PPARGC1A: variants seen among roughly 807,000 people sequenced by gnomAD.
The protein encoded by PPARGC1A is PPARG coactivator 1 alpha.
A neutral mutation model predicts 88.7 loss-of-function variants in PPARGC1A; 25 were observed. That is an observed-to-expected ratio of 0.28 (90% CI 0.21 to 0.39). The LOEUF (loss-of-function observed/expected upper bound fraction) is 0.39. Among genes scored for constraint, PPARGC1A ranks in the 10% least tolerant of loss-of-function variants. PPARGC1A has a pLI of 1.00. For missense variants in PPARGC1A, 880 were observed against 968.7 expected (o/e 0.91, Z 1.22); for synonymous variants, 363 against 355.6 (o/e 1.02, Z -0.24).
the PPARGC1A span, among the ~76,000 whole-genome samples, chr4:23,962,238 TC>T: frequency 1.3e-5 from 2 of 152,052 alleles, no homozygotes; most frequent in Non-Finnish European, 2.9e-5. Context: ...ATTGTCAAAT[TC>T]TGTTGTATAT....
the PPARGC1A span, among the ~76,000 whole-genome samples, chr4:24,026,113 A>T: frequency 1.3e-5 from 2 of 152,190 alleles, no homozygotes; most frequent in Non-Finnish European, 2.9e-5. Context: ...TCTTTAGAAA[A>T]TTTCAAAGAT....
At chr4:23,912,084 T>C in the PPARGC1A span, among the ~76,000 whole-genome samples, 8 of 152,150 alleles carry the variant, frequency 5.3e-5, no homozygotes, top group Admixed American at 5.2e-4. Context: ...ATTTTTTAAG[T>C]GGGGAAATTT....
chr4:24,242,026 A>T, the PPARGC1A span, among the ~76,000 whole-genome samples: 1 of 152,114 alleles, frequency 6.6e-6, no homozygotes. Flanking sequence ...CCCTGCTAGA[A>T]CCCAACACTA....
In PPARGC1A at chr4:23,814,209, G is replaced by C; in HGVS notation, c.1274C>G (p.Ser425Cys). ...GTAGCACTGGTCTGAATCTGTGGAAGAACAAATCTGCCCCTGCCAATCAGA... is the reference window on the plus strand; with the variant it reads ...GTAGCACTGGTCTGAATCTGTGGAACAACAAATCTGCCCCTGCCAATCAGA... ...VSSDWQGQICSSTDSDQCYLR... is the reference protein window; with the variant it reads ...VSSDWQGQICCSTDSDQCYLR... The change falls in exon 8 of 13, where the codon TCT (serine) becomes TGT (cysteine). Residue 425 changes from serine to cysteine, a missense_variant. Coordinates refer to ENST00000264867, the MANE Select transcript of PPARGC1A (RefSeq NM_013261.5). 6.2e-7 allele frequency: 1 copy of C among 1,614,088 alleles called. No individual in the cohort carries two copies. Among genetic ancestry groups the C allele is most frequent in the South Asian group, 1.1e-5 (1 of 91,074 alleles).
At chr4:24,396,865 C>G in the PPARGC1A span, among the ~76,000 whole-genome samples, 1 of 152,154 alleles carries the variant, frequency 6.6e-6, no homozygotes, top group East Asian at 1.9e-4. Context: ...AGAACTTGCA[C>G]AAATCCTGGT....
At chr4:23,812,279 G>T (rs941119188) in intron 10 of PPARGC1A, among the ~76,000 whole-genome samples, 2 of 151,888 alleles carry the variant, frequency 1.3e-5, no homozygotes, top group South Asian at 2.1e-4. Context: ...TTCCTCCACT[G>T]CTCCTTTAAA....
the PPARGC1A span, among the ~76,000 whole-genome samples, chr4:24,043,057 T>G: frequency 1.3e-5 from 2 of 152,156 alleles, no homozygotes; most frequent in African/African-American, 4.8e-5. Context: ...AGCTACCAAT[T>G]TTGTAGGCAG....
chr4:24,292,169 A>G, the PPARGC1A span, among the ~76,000 whole-genome samples: 1 of 151,876 alleles, frequency 6.6e-6, no homozygotes, highest in Non-Finnish European at 1.5e-5. Flanking sequence ...TCACCCCTGC[A>G]TGTGGATGAA....
the PPARGC1A span, among the ~76,000 whole-genome samples, chr4:24,315,350 T>C: frequency 6.6e-6 from 1 of 152,182 alleles, no homozygotes; most frequent in Non-Finnish European, 1.5e-5. Flanking sequence ...GTATCTGCTA[T>C]CTAAGAAGTA....
the PPARGC1A span, among the ~76,000 whole-genome samples, chr4:24,176,711 GAAT>G: frequency 2.6e-5 from 4 of 152,010 alleles, no homozygotes; most frequent in East Asian, 5.8e-4. Flanking sequence ...CATAACCCCA[GAAT>G]AATAATAATA....
chr4:24,410,814 A>G, the PPARGC1A span, among the ~76,000 whole-genome samples: 2 of 152,214 alleles, frequency 1.3e-5, no homozygotes, highest in African/African-American at 4.8e-5. Flanking sequence ...TTTTGGACTT[A>G]CACCAGTGGT....
chr4:24,061,570 C>A, the PPARGC1A span, among the ~76,000 whole-genome samples: 1 of 152,140 alleles, frequency 6.6e-6, no homozygotes, highest in African/African-American at 2.4e-5. Context: ...AAAGAGGAGT[C>A]AGGATTAGGA....
the PPARGC1A span, among the ~76,000 whole-genome samples, chr4:23,933,115 G>A: frequency 1.3e-5 from 2 of 152,302 alleles, no homozygotes; most frequent in South Asian, 2.1e-4. Context: ...GTGCCAAAAC[G>A]TCTGAAAGCT....
intron 2 of PPARGC1A, among the ~76,000 whole-genome samples, chr4:23,870,070 T>C (rs1712961296): frequency 6.6e-6 from 1 of 152,234 alleles, no homozygotes; most frequent in Admixed American, 6.5e-5. Flanking sequence ...TATCAAAGTC[T>C]ACACAGGAAA....
the PPARGC1A span, among the ~76,000 whole-genome samples, chr4:23,980,758 C>A: frequency 2.0e-5 from 3 of 152,244 alleles, no homozygotes; most frequent in South Asian, 2.1e-4. Flanking sequence ...CCCCTACCAC[C>A]TCTGATAGCA....
chr4:24,418,197 G>A, the PPARGC1A span, among the ~76,000 whole-genome samples: 17 of 152,206 alleles, frequency 1.1e-4, no homozygotes, highest in South Asian at 3.1e-3. Context: ...TCTTTGTTTC[G>A]TAAAATTCAA....
At chr4:24,270,989 C>A in the PPARGC1A span, among the ~76,000 whole-genome samples, 108 of 152,222 alleles carry the variant, frequency 7.1e-4, no homozygotes, top group African/African-American at 2.5e-3. Flanking sequence ...ACGGTTCAAT[C>A]TAAATTGCAG....
the PPARGC1A span, among the ~76,000 whole-genome samples, chr4:24,428,185 G>T: frequency 6.6e-6 from 1 of 151,874 alleles, no homozygotes; most frequent in African/African-American, 2.4e-5. Flanking sequence ...AGAAGCTCTG[G>T]TCTAGATTCC....
chr4:23,931,249 G>A, the PPARGC1A span, among the ~76,000 whole-genome samples: 7 of 152,024 alleles, frequency 4.6e-5, no homozygotes, highest in Non-Finnish European at 2.9e-5. Context: ...AGGGAAACTC[G>A]GACCCCCAAA....
Sources: allele counts gnomAD v4.1 joint callset (sites outside exome capture counted in the v4.1 genomes callset), GRCh38; gene constraint gnomAD v4.1.1; transcripts MANE v1.5; gene names NCBI Gene and HGNC (gene_info 2026-07-23, HGNC 2026-07-21).